RFX4: variants seen among roughly 807,000 people sequenced by gnomAD.
RFX4 encodes transcription factor RFX4.
Under a neutral mutation model 95.0 loss-of-function variants are expected in RFX4, and 10 were observed. That is an observed-to-expected ratio of 0.11 (90% CI 0.06 to 0.18). RFX4 has a LOEUF of 0.18. Ranked by LOEUF, RFX4 falls within the 10% of genes least tolerant of loss-of-function variation. The probability of loss-of-function intolerance (pLI) is 1.00; values close to 1 mark genes in which losing one functional copy is unlikely to be tolerated. For synonymous variants in RFX4, 321 were observed against 340.7 expected, an observed-to-expected ratio of 0.94 and a Z score of 0.64; for missense variants, 640 against 922.0, an observed-to-expected ratio of 0.69 and a Z score of 3.96.
At chr12:106,653,091 G>T (rs988597821) in intron 3 of RFX4, among the ~76,000 whole-genome samples, 2 of 152,118 alleles carry the variant, frequency 1.3e-5, no homozygotes, top group Admixed American at 6.5e-5. Flanking sequence ...AGGCTTCGAA[G>T]GCATGACCCT....
At chr12:106,663,231 T>C (rs1218169274) in intron 4 of RFX4, among the ~76,000 whole-genome samples, 1 of 152,070 alleles carries the variant, frequency 6.6e-6, no homozygotes. Flanking sequence ...TTTGATTTAG[T>C]TCATCAGAAT....
intron 1 of RFX4, among the ~76,000 whole-genome samples, chr12:106,588,461 C>A (rs1345863209): frequency 6.6e-6 from 1 of 152,148 alleles, no homozygotes; most frequent in Non-Finnish European, 1.5e-5. Context: ...TAAAATGCGG[C>A]CATCAAAGGA....
intron 4 of RFX4, among the ~76,000 whole-genome samples, chr12:106,669,010 C>T (rs2041231046): frequency 6.6e-6 from 1 of 152,204 alleles, no homozygotes; most frequent in Non-Finnish European, 1.5e-5. Context: ...TTAAATTCCT[C>T]AATCCCACTT....
chr12:106,689,216 G>GAAAGTCCA, intron 6 of RFX4, 71 bp from the exon 7 acceptor site: 2 of 1,301,658 alleles, frequency 1.5e-6, no homozygotes, highest in Non-Finnish European at 2.2e-6. Context: ...CTTAAAAACT[G>GAAAGTCCA]AAAGTCCAAG....
At chr12:106,596,721 G>A (rs1010167380) in intron 1 of RFX4, among the ~76,000 whole-genome samples, 2 of 152,206 alleles carry the variant, frequency 1.3e-5, no homozygotes, top group African/African-American at 4.8e-5. Flanking sequence ...AAACTTATAA[G>A]AAAGTGTATT....
intron 15 of RFX4, among the ~76,000 whole-genome samples, chr12:106,743,913 C>CTGCTT (rs1251664776): frequency 2.0e-5 from 3 of 152,204 alleles, no homozygotes; most frequent in African/African-American, 7.2e-5. Flanking sequence ...CTCACCCTTT[C>CTGCTT]TGCTTCCATT....
In RFX4 at chr12:106,585,176, T is replaced by C. The variant is rs2039436875; in HGVS notation, c.43+1813T>C. Among the ~76,000 whole-genome samples the C allele has an allele frequency of 2.0e-5, 3 of 152,206 alleles. No homozygotes were observed. In the South Asian group the frequency reaches 6.2e-4, roughly 32 times the overall value. ...ATAGGGTCTCCCTACATCCCAAACCTGCAGTGGCCCTGCTGGGGGGCTTTT... is the reference window on the plus strand; with the variant it reads ...ATAGGGTCTCCCTACATCCCAAACCCGCAGTGGCCCTGCTGGGGGGCTTTT... On this transcript the variant is annotated intron_variant, in intron 1 of 17. Transcript: ENST00000392842.
chr12:106,661,955 C>T (rs899621376), intron 4 of RFX4, among the ~76,000 whole-genome samples: 1 of 152,066 alleles, frequency 6.6e-6, no homozygotes, highest in African/African-American at 2.4e-5. Flanking sequence ...TTTATTTATC[C>T]ACCTACTTAC....
chr12:106,701,912 A>G (rs908214276), intron 8 of RFX4, among the ~76,000 whole-genome samples: 2 of 152,154 alleles, frequency 1.3e-5, no homozygotes, highest in Admixed American at 1.3e-4. Flanking sequence ...GCCACTCAAG[A>G]TGCTGAGGCG....
chr12:106,757,006 C>T (rs944015546), intron 17 of RFX4, among the ~76,000 whole-genome samples: 4 of 152,120 alleles, frequency 2.6e-5, no homozygotes, highest in African/African-American at 2.4e-5. Context: ...TACTCTGGTA[C>T]TAAGTTGCTG....
At chr12:106,644,618 G>T (rs1050506771) in intron 3 of RFX4, among the ~76,000 whole-genome samples, 1 of 152,148 alleles carries the variant, frequency 6.6e-6, no homozygotes, top group Admixed American at 6.5e-5. Context: ...ATCTTCGTGT[G>T]TGCCCCCTTG....
At chr12:106,681,939 C>A in intron 4 of RFX4, 54 bp from the exon 5 acceptor site, 1 of 1,587,314 alleles carries the variant, frequency 6.3e-7, no homozygotes, top group Non-Finnish European at 8.7e-7. Context: ...AAAACTCAGT[C>A]ACTATGCTCC....
chr12:106,624,928 G>T (rs920548668), intron 2 of RFX4, among the ~76,000 whole-genome samples: 1 of 152,214 alleles, frequency 6.6e-6, no homozygotes, highest in Non-Finnish European at 1.5e-5. Context: ...TTCTCGGGGT[G>T]TGATTTCAGA....
At chr12:106,589,585 C>A (rs1212101736) in intron 1 of RFX4, among the ~76,000 whole-genome samples, 4 of 152,204 alleles carry the variant, frequency 2.6e-5, no homozygotes, top group Non-Finnish European at 5.9e-5. Flanking sequence ...TCAACTGGTA[C>A]ATGGCAGAGC....
rs1320303119 is a variant in RFX4 at position 106,686,869 on chromosome 12, C to T, written c.378-15C>T. ...TTTTTTTTTCTCTCTCTCCCTCCCT[C>T]CCCTTGTGGCCCAGGTACCATTACT... On this transcript the variant is annotated splice_polypyrimidine_tract_variant and intron_variant, in intron 5 of 17. Coordinates refer to ENST00000392842, the MANE Select transcript of RFX4 (RefSeq NM_213594.3). 6.3e-7 allele frequency: 1 copy of T among 1,579,844 alleles called. No homozygotes were observed. Among genetic ancestry groups the T allele is most frequent in the Non-Finnish European group, 8.7e-7 (1 of 1,151,112 alleles).
intron 17 of RFX4, among the ~76,000 whole-genome samples, chr12:106,754,835 G>A (rs2043080355): frequency 6.6e-6 from 1 of 152,146 alleles, no homozygotes; most frequent in African/African-American, 2.4e-5. Context: ...GAGTGCCTCT[G>A]ACACTCCCCT....
At chr12:106,750,412 G>T (rs752688899) in intron 16 of RFX4, among the ~76,000 whole-genome samples, 19 of 150,912 alleles carry the variant, frequency 1.3e-4, no homozygotes, top group Admixed American at 2.0e-4. Context: ...AGGAGGCGGA[G>T]GTTGCAGTGA....
intron 2 of RFX4, among the ~76,000 whole-genome samples, chr12:106,614,381 G>C (rs544855113): frequency 6.6e-6 from 1 of 151,728 alleles, no homozygotes; most frequent in East Asian, 1.9e-4. Flanking sequence ...GGCTGGTCTC[G>C]AACTCCTGAT....
At chr12:106,628,872 G>T (rs767054714) in intron 2 of RFX4, among the ~76,000 whole-genome samples, 1 of 148,704 alleles carries the variant, frequency 6.7e-6, no homozygotes, top group Non-Finnish European at 1.5e-5. Flanking sequence ...TGATTCTCCT[G>T]TCTCATCCTC....
Sources: allele counts gnomAD v4.1 joint callset (sites outside exome capture counted in the v4.1 genomes callset), GRCh38; gene constraint gnomAD v4.1.1; transcripts MANE v1.5; gene names NCBI Gene and HGNC (gene_info 2026-07-23, HGNC 2026-07-21).